SLC26A7: variants seen among roughly 807,000 people sequenced by gnomAD.
SLC26A7 encodes the protein solute carrier family 26 member 7, also known as anion exchange transporter.
SLC26A7 carries 59 observed loss-of-function variants against 82.5 expected under a neutral mutation model. The ratio of observed to expected loss-of-function variants is 0.72; its 90% confidence interval spans 0.58 to 0.89. The LOEUF (loss-of-function observed/expected upper bound fraction) is 0.89. Ranked by LOEUF, SLC26A7 falls within the 40% of genes least tolerant of loss-of-function variation. The pLI is 0.00. For missense variants in SLC26A7, 820 were observed against 793.0 expected, an observed-to-expected ratio of 1.03 and a Z score of -0.41; for synonymous variants, 271 against 274.3, an observed-to-expected ratio of 0.99 and a Z score of 0.12.
chr8:91,240,839 A>C (rs72666063), intron 2 of SLC26A7, among the ~76,000 whole-genome samples: 7,167 of 152,236 alleles, frequency 0.047, 231 homozygotes, highest in Non-Finnish European at 0.075. Context: ...CAATTGATCC[A>C]GAAAACTAGA....
intron 4 of SLC26A7, among the ~76,000 whole-genome samples, chr8:91,299,016 C>A (rs536371724): frequency 5.9e-4 from 90 of 152,230 alleles, no homozygotes; most frequent in African/African-American, 2.1e-3. Flanking sequence ...TTTAGCCAAG[C>A]AGGTGAAAAG....
At chr8:91,361,254 A>G (rs1487116892) in intron 11 of SLC26A7, among the ~76,000 whole-genome samples, 1 of 152,150 alleles carries the variant, frequency 6.6e-6, no homozygotes, top group South Asian at 2.1e-4. Flanking sequence ...TATTTCAAAA[A>G]CAACAATAAC....
At chr8:91,278,700 A>C in intron 2 of SLC26A7, among the ~76,000 whole-genome samples, 1 of 152,146 alleles carries the variant, frequency 6.6e-6, no homozygotes, top group South Asian at 2.1e-4. Flanking sequence ...GCAGTATGAA[A>C]TGGCTAAATC....
At chr8:91,339,214 T>A (rs936434585) in intron 7 of SLC26A7, among the ~76,000 whole-genome samples, 9 of 152,154 alleles carry the variant, frequency 5.9e-5, no homozygotes, top group African/African-American at 2.2e-4. Context: ...AATGGTTTTG[T>A]GTAGCATAAT....
intron 9 of SLC26A7, among the ~76,000 whole-genome samples, chr8:91,350,803 A>T (rs926933754): frequency 1.3e-5 from 2 of 152,126 alleles, no homozygotes; most frequent in African/African-American, 2.4e-5. Flanking sequence ...TTTCACGTGG[A>T]CATATGTTTC....
At chr8:91,218,855 C>A in intron 1 of SLC26A7, 1 of 1,322,582 alleles carries the variant, frequency 7.6e-7, no homozygotes, top group Non-Finnish European at 1.1e-6. Flanking sequence ...TTATTGAACA[C>A]TGCCTAAATT....
chr8:91,340,391 C>CAA lies in SLC26A7; in HGVS notation c.879-13_879-12insAA, dbSNP rs779619548. On this transcript the variant is annotated splice_polypyrimidine_tract_variant and intron_variant, in intron 7 of 18. Coordinates refer to ENST00000276609, the MANE Select transcript of SLC26A7 (RefSeq NM_052832.4). Reference sequence around the variant, plus strand: ...GAAGTTTGATGACTTCAATATGGTCCTTCTTTCCACAGAATTCCCTCACCT... The same window carrying CAA: ...GAAGTTTGATGACTTCAATATGGTCCAATTCTTTCCACAGAATTCCCTCACCT... 1.2e-6 allele frequency: 2 copies of CAA among 1,612,376 alleles called. No homozygotes were observed. Among genetic ancestry groups the CAA allele is most frequent in the East Asian group, 4.5e-5 (2 of 44,804 alleles).
intron 2 of SLC26A7, among the ~76,000 whole-genome samples, chr8:91,268,538 G>C (rs996586665): frequency 2.1e-4 from 32 of 151,520 alleles, no homozygotes; most frequent in African/African-American, 7.5e-4. Context: ...GAGATGAAGT[G>C]GGTTTTTTGT....
chr8:91,374,782 T>C (rs550641729), intron 15 of SLC26A7, among the ~76,000 whole-genome samples: 31 of 152,168 alleles, frequency 2.0e-4, no homozygotes, highest in African/African-American at 7.5e-4. Context: ...CAGAGTTCCT[T>C]TGTTAGTTTT....
chr8:91,295,356 C>G (rs1488815833), intron 3 of SLC26A7, among the ~76,000 whole-genome samples, 175 bp from the exon 4 acceptor site: 1 of 152,160 alleles, frequency 6.6e-6, no homozygotes, highest in African/African-American at 2.4e-5. Context: ...AGGTAAGTTT[C>G]CATTTCATCC....
At chr8:91,283,684 A>G (rs2130756503) in intron 2 of SLC26A7, among the ~76,000 whole-genome samples, 1 of 152,274 alleles carries the variant, frequency 6.6e-6, no homozygotes, top group Admixed American at 6.5e-5. Flanking sequence ...TTTTAAATGC[A>G]AGCAAAAATA....
At chr8:91,316,889 C>G (rs1471254089) in intron 4 of SLC26A7, among the ~76,000 whole-genome samples, 2 of 144,942 alleles carry the variant, frequency 1.4e-5, no homozygotes, top group African/African-American at 5.1e-5. Context: ...TATGGTGGCT[C>G]TCATCTGTAA....
intron 13 of SLC26A7, among the ~76,000 whole-genome samples, chr8:91,363,772 A>G (rs964920112): frequency 1.3e-5 from 2 of 152,158 alleles, no homozygotes; most frequent in Non-Finnish European, 2.9e-5. Context: ...AAAGCATAGC[A>G]TGGTACCTAG....
chr8:91,215,420 T>C (rs1242434265), intron 1 of SLC26A7, among the ~76,000 whole-genome samples: 2 of 152,186 alleles, frequency 1.3e-5, no homozygotes, highest in Non-Finnish European at 2.9e-5. Context: ...CCAATTATGT[T>C]GAATGATTTT....
intron 2 of SLC26A7, among the ~76,000 whole-genome samples, chr8:91,273,370 T>C (rs1331188793): frequency 2.0e-5 from 3 of 152,038 alleles, no homozygotes; most frequent in Admixed American, 2.0e-4. Flanking sequence ...GTTTGTAGAA[T>C]AGAAAGAGAA....
intron 16 of SLC26A7, 42 bp downstream of exon 16, chr8:91,389,480 G>A: frequency 6.9e-7 from 1 of 1,440,636 alleles, no homozygotes; most frequent in Non-Finnish European, 9.8e-7. Flanking sequence ...CTTCCCTTTT[G>A]TTCAGTAACA....
Position 91,395,147 on chromosome 8 carries a change from G to A in SLC26A7, c.*50G>A, listed in dbSNP as rs757087685. The A allele has an allele frequency of 2.7e-5, 44 of 1,608,654 alleles. No homozygotes were observed. Among genetic ancestry groups the A allele is most frequent in the Non-Finnish European group, 3.7e-5 (44 of 1,177,956 alleles). The stretch of plus-strand genomic sequence containing the variant: ...TTGTCTTTACCAACTGCCTGAAGAG[G>A]CCATATGCTGGCATTTTGCACAACT... On this transcript the variant is annotated 3_prime_UTR_variant, in exon 19 of 19. Coordinates refer to ENST00000276609, the MANE Select transcript of SLC26A7 (RefSeq NM_052832.4).
chr8:91,222,922 T>G (rs1029149468), intron 2 of SLC26A7, among the ~76,000 whole-genome samples: 2 of 152,146 alleles, frequency 1.3e-5, no homozygotes, highest in Admixed American at 1.3e-4. Flanking sequence ...ACCAGCTCCT[T>G]TGTATTTATG....
In SLC26A7 at chr8:91,249,775, A is replaced by C; in HGVS notation, c.124A>C (p.Asn42His). 6 of 1,612,528 alleles carry C rather than the reference A, an allele frequency of 3.7e-6. No homozygotes were observed. The highest frequency in any genetic ancestry group is 5.1e-6 in the Non-Finnish European group (6 of 1,179,178). The change falls in exon 2 of 19, where the codon AAT becomes CAT. Residue 42 changes from asparagine (N) to histidine (H), a missense_variant. Asn to His is a moderately conservative substitution (Grantham distance 68). Coordinates refer to ENST00000276609, the MANE Select transcript of SLC26A7 (RefSeq NM_052832.4). ...CATTTTGGATTGGGCACCACATTAC[A>C]ATCTGAAAGAAAACTTGCTTCCAGA... The part of the protein sequence containing the change: ...LPILDWAPHY[N>H]LKENLLPDTV...
Sources: allele counts gnomAD v4.1 joint callset (sites outside exome capture counted in the v4.1 genomes callset), GRCh38; gene constraint gnomAD v4.1.1; transcripts MANE v1.5; gene names NCBI Gene and HGNC (gene_info 2026-07-23, HGNC 2026-07-21).